Variants in CC2D2A observed in about 807,000 individuals in gnomAD.
The protein encoded by CC2D2A is coiled-coil and C2 domain containing 2A.
A neutral mutation model predicts 212.9 loss-of-function variants in CC2D2A; 155 were observed. The observed-to-expected ratio is 0.73, with a 90% CI of 0.64 to 0.83. The LOEUF is 0.83. Among genes scored for constraint, CC2D2A ranks in the 40% least tolerant of loss-of-function variants. The pLI is 0.00. For synonymous variants in CC2D2A, 667 were observed against 686.5 expected, an observed-to-expected ratio of 0.97 and a Z score of 0.44; for missense variants, 1,856 against 1,956.2, an observed-to-expected ratio of 0.95 and a Z score of 0.97.
intron 29 of CC2D2A, chr4:15,576,633 T>C (rs548720272): frequency 6.6e-6 from 1 of 152,410 alleles, no homozygotes; most frequent in Admixed American, 6.5e-5. Flanking sequence ...AGGTACTAAG[T>C]ATTTTGTTTT....
intron 13 of CC2D2A, among the ~76,000 whole-genome samples, 158 bp downstream of exon 13, chr4:15,528,884 G>A (rs1004199792): frequency 4.6e-5 from 7 of 152,148 alleles, no homozygotes; most frequent in Non-Finnish European, 8.8e-5. Flanking sequence ...CACAGTATTT[G>A]AAGTCCAATA....
At position 15,596,103 on chromosome 4, in the gene CC2D2A, C is replaced by T. The variant is rs529437224; in HGVS notation, c.4333C>T (p.Arg1445Ter). Residue 1445 changes from arginine (R) to a stop codon, truncating the protein, a stop_gained, in exon 34 of 37, where the codon CGA (arginine) becomes TGA (stop). Transcript: ENST00000424120. LOFTEE classifies it high-confidence loss of function. ...GPDNIWFNIQ[R>*]YESPLRINFD... ...TTCTTAGATTTGGTTTAATATTCAA[C>T]GATATGAATCTCCACTAAGGATAAA... 2.3e-5 allele frequency: 35 copies of T among 1,547,112 alleles called. No individual in the cohort carries two copies. The highest frequency in any genetic ancestry group is 4.9e-5 in the East Asian group (2 of 40,812).
intron 7 of CC2D2A, 122 bp downstream of exon 7, chr4:15,510,362 A>G: frequency 2.6e-6 from 2 of 762,426 alleles, no homozygotes; most frequent in Admixed American, 2.6e-5. Context: ...TTGGGAGGCC[A>G]AGACAGGCAG....
At chr4:15,532,481 C>T (rs192593255) in intron 13 of CC2D2A, among the ~76,000 whole-genome samples, 12 of 152,242 alleles carry the variant, frequency 7.9e-5, no homozygotes, top group Non-Finnish European at 1.5e-4. Flanking sequence ...TGTGTCCGTC[C>T]CCTGAGCTAA....
In CC2D2A at chr4:15,480,810, T is replaced by A; in HGVS notation, c.230T>A (p.Val77Asp). The part of the protein sequence containing the change: ...EPKTRLLSMT[V>D]RRGPRSLPPI... Reference sequence around the variant, plus strand: ...AAGACCCGCCTCCTGAGTATGACAGTCCGGAGAGGCCCACGGAGTAAGTGC... The same window carrying A: ...AAGACCCGCCTCCTGAGTATGACAGACCGGAGAGGCCCACGGAGTAAGTGC... Residue 77 changes from valine (V) to aspartate (D), a missense_variant, in exon 4 of 37, where the codon GTC becomes GAC. By Grantham distance (152) the Val-to-Asp change is radical. This residue lies in a region of CC2D2A where 1,512 missense variants were observed against 1,579.3 expected (regional missense o/e 0.96). Transcript: ENST00000424120. 6.2e-7 allele frequency: 1 copy of A among 1,612,810 alleles called. No individual in the cohort carries two copies. Among genetic ancestry groups the A allele is most frequent in the Non-Finnish European group, 8.5e-7 (1 of 1,179,342 alleles).
rs1719213933 is a variant in CC2D2A at position 15,555,156 on chromosome 4, G to C, written c.2571G>C (p.Glu857Asp). Reference protein sequence around the residue: ...DMKKLAKWAAESKLDPNDPNN... With the variant: ...DMKKLAKWAADSKLDPNDPNN... The stretch of plus-strand genomic sequence containing the variant: ...AAAAATTGGCCAAGTGGGCAGCAGA[G>C]TCCAAGCTCGACCCAAATGACCCCA... The change falls in exon 20 of 37, where the codon GAG (glutamate) becomes GAC (aspartate). Residue 857 changes from glutamate to aspartate, a missense_variant. Physicochemically the swap from Glu to Asp is conservative, Grantham distance 45. Coordinates refer to ENST00000424120, the MANE Select transcript of CC2D2A (RefSeq NM_001378615.1). 8 of 1,613,900 alleles carry C rather than the reference G, an allele frequency of 5.0e-6. No individual in the cohort carries two copies. Among genetic ancestry groups the C allele is most frequent in the Non-Finnish European group, 6.8e-6 (8 of 1,179,854 alleles).
At chr4:15,564,162 G>A (rs527716992) in intron 24 of CC2D2A, 13 of 152,424 alleles carry the variant, frequency 8.5e-5, no homozygotes, top group African/African-American at 3.1e-4. Flanking sequence ...TACACCAGGG[G>A]TAACAGGGAG....
intron 4 of CC2D2A, among the ~76,000 whole-genome samples, chr4:15,494,504 A>T (rs1246615587): frequency 6.6e-6 from 1 of 152,264 alleles, no homozygotes; most frequent in Non-Finnish European, 1.5e-5. Context: ...GTTTGTTCTC[A>T]GCCCATTTTG....
chr4:15,479,285 C>T, intron 3 of CC2D2A: 2 of 1,537,220 alleles, frequency 1.3e-6, no homozygotes, highest in Non-Finnish European at 8.7e-7. Flanking sequence ...CAGGAGTTCC[C>T]CTCCTAGGCT....
At chr4:15,530,645 G>C (rs1717801372) in intron 13 of CC2D2A, among the ~76,000 whole-genome samples, 1 of 152,080 alleles carries the variant, frequency 6.6e-6, no homozygotes, top group Non-Finnish European at 1.5e-5. Flanking sequence ...GGAGATGAAA[G>C]TCTTTGAGAT....
intron 17 of CC2D2A, among the ~76,000 whole-genome samples, chr4:15,545,992 C>T (rs182707412): frequency 1.3e-5 from 2 of 152,060 alleles, no homozygotes; most frequent in African/African-American, 2.4e-5. Context: ...TACCTCTAGT[C>T]CCAGCTACTT....
At chr4:15,526,400 T>G (rs185219534) in intron 11 of CC2D2A, among the ~76,000 whole-genome samples, 39 of 152,288 alleles carry the variant, frequency 2.6e-4, no homozygotes, top group African/African-American at 8.2e-4. Flanking sequence ...AGGCCTAGAA[T>G]CCAAGTCTCC....
chr4:15,581,100 A>G (rs115115382), intron 30 of CC2D2A, among the ~76,000 whole-genome samples: 1,534 of 152,306 alleles, frequency 0.01, 7 homozygotes, highest in Non-Finnish European at 0.014. Context: ...AGAGTGGATA[A>G]TATAGGAAGT....
chr4:15,579,570 G>A (rs1222038615), intron 29 of CC2D2A, among the ~76,000 whole-genome samples: 1 of 152,134 alleles, frequency 6.6e-6, no homozygotes, highest in Non-Finnish European at 1.5e-5. Flanking sequence ...CATATGAGAT[G>A]TTAGATTTTC....
rs886059185 is a variant in CC2D2A, at chr4:15,597,411, A to C, written c.4442A>C (p.Glu1481Ala). ...GAACTATTTTCTCTTCTATAGCCTG[A>C]AGAGCTAATTTACCAGCGCTCAGAC... ...PYPGLSSVQP[E>A]ELIYQRSDKA... is the part of the protein sequence containing the mutation. The change falls in exon 35 of 37, where the codon GAA becomes GCA. Residue 1481 changes from glutamate (E) to alanine (A), a missense_variant. Transcript: ENST00000424120. The C allele has an allele frequency of 6.4e-7, 1 of 1,551,270 alleles. No individual in the cohort carries two copies. Among genetic ancestry groups the C allele is most frequent in the East Asian group, 2.4e-5 (1 of 41,070 alleles).
chr4:15,505,751 T>C (rs1227238256), intron 6 of CC2D2A, among the ~76,000 whole-genome samples: 1 of 152,182 alleles, frequency 6.6e-6, no homozygotes, highest in Admixed American at 6.5e-5. Context: ...ATTAAAAACT[T>C]GTACTTCAAA....
chr4:15,575,558 T>C (rs1003412818), intron 29 of CC2D2A, among the ~76,000 whole-genome samples: 4 of 152,144 alleles, frequency 2.6e-5, no homozygotes, highest in African/African-American at 7.2e-5. Flanking sequence ...AAGACTTAGA[T>C]AGAGATGGAA....
At chr4:15,570,108 T>C (rs1720087851) in intron 27 of CC2D2A, among the ~76,000 whole-genome samples, 1 of 152,238 alleles carries the variant, frequency 6.6e-6, no homozygotes, top group Non-Finnish European at 1.5e-5. Context: ...CTGTCTGCAC[T>C]GTGCCAGGAA....
At chr4:15,563,640 G>A in intron 24 of CC2D2A, 118 bp downstream of exon 24, 2 of 1,144,766 alleles carry the variant, frequency 1.7e-6, no homozygotes, top group South Asian at 1.4e-5. Flanking sequence ...AGGGGACTGA[G>A]GGTTCTTGCA....
Sources: gnomAD v4.1 joint callset for allele counts (sites outside exome capture counted in the v4.1 genomes callset) on GRCh38, gnomAD v4.1.1 for gene constraint, gnomAD v4.1.1 regional missense constraint, MANE v1.5 for transcripts, NCBI Gene and HGNC (gene_info 2026-07-23, HGNC 2026-07-21) for gene names.